The following TEC variants were observed in gnomAD, a reference collection of about 807,000 sequenced individuals.
TEC encodes the protein tyrosine-protein kinase Tec.
In TEC, 72 loss-of-function variants were observed where a neutral mutation model predicts 93.0. The observed-to-expected ratio is 0.77, with a 90% CI of 0.64 to 0.94. The LOEUF is 0.94. TEC is among the 40% of genes least tolerant of loss of function. The pLI is 0.00. For synonymous variants in TEC, 249 were observed against 247.7 expected (o/e 1.01, Z -0.05); for missense variants, 630 against 757.9 (o/e 0.83, Z 1.98).
At chr4:48,189,950 T>A (rs1370848092) in intron 2 of TEC, among the ~76,000 whole-genome samples, 4 of 152,034 alleles carry the variant, frequency 2.6e-5, no homozygotes, top group African/African-American at 9.7e-5. Flanking sequence ...ACTTTGCAGA[T>A]CTGTGAGGGA....
At chr4:48,186,146 C>T (rs1328136203) in intron 2 of TEC, among the ~76,000 whole-genome samples, 1 of 152,232 alleles carries the variant, frequency 6.6e-6, no homozygotes, top group Non-Finnish European at 1.5e-5. Flanking sequence ...GACGGAGTCT[C>T]GCTCACTAGG....
At chr4:48,199,241 G>A (rs953472806) in intron 2 of TEC, among the ~76,000 whole-genome samples, 5 of 152,094 alleles carry the variant, frequency 3.3e-5, no homozygotes, top group African/African-American at 1.2e-4. Context: ...CAGATCCAAT[G>A]ATTCCAAATT....
chr4:48,251,451 C>A (rs1300162487), intron 1 of TEC, among the ~76,000 whole-genome samples: 2 of 152,170 alleles, frequency 1.3e-5, no homozygotes, highest in Non-Finnish European at 2.9e-5. Context: ...GTTATTCTCA[C>A]TATGTTATCC....
At chr4:48,228,360 T>C (rs898673802) in intron 2 of TEC, 117 bp downstream of exon 2, 2 of 1,137,400 alleles carry the variant, frequency 1.8e-6, no homozygotes, top group South Asian at 2.1e-5. Flanking sequence ...GTCCAAATGA[T>C]AATAAATCAT....
intron 2 of TEC, among the ~76,000 whole-genome samples, chr4:48,184,768 A>ACACACACACAC (rs1190852276): frequency 2.1e-5 from 2 of 96,906 alleles, no homozygotes; most frequent in African/African-American, 7.2e-5. Flanking sequence ...AGACAAAAAA[A>ACACACACACAC]ATACACACAC....
chr4:48,246,467 GA>G (rs34988086), intron 1 of TEC, among the ~76,000 whole-genome samples: 18,318 of 133,214 alleles, frequency 0.14, 1,342 homozygotes, highest in East Asian at 0.26. Context: ...AAACTATCTT[GA>G]AAAAAAAAAA....
At chr4:48,213,871 C>T (rs956687259) in intron 2 of TEC, among the ~76,000 whole-genome samples, 1 of 151,938 alleles carries the variant, frequency 6.6e-6, no homozygotes, top group South Asian at 2.1e-4. Context: ...AGACTCTGTC[C>T]CTGAAAAAAA....
At chr4:48,221,008 C>T (rs1045308364) in intron 2 of TEC, among the ~76,000 whole-genome samples, 2 of 152,194 alleles carry the variant, frequency 1.3e-5, no homozygotes, top group East Asian at 1.9e-4. Context: ...TTCCCACAAC[C>T]CCCTCCTTGG....
chr4:48,199,521 C>T (rs1232027514), intron 2 of TEC, among the ~76,000 whole-genome samples: 1 of 121,150 alleles, frequency 8.3e-6, no homozygotes, highest in South Asian at 2.8e-4. Context: ...GGCTGGAGTG[C>T]AGAGGCACGA....
chr4:48,261,236 G>A (rs1164736998), intron 1 of TEC, among the ~76,000 whole-genome samples: 1 of 152,152 alleles, frequency 6.6e-6, no homozygotes, highest in African/African-American at 2.4e-5. Flanking sequence ...TCAAAAGCAT[G>A]TATACCTAAA....
At chr4:48,181,383 G>C (rs1192482439) in intron 2 of TEC, among the ~76,000 whole-genome samples, 1 of 152,058 alleles carries the variant, frequency 6.6e-6, no homozygotes, top group African/African-American at 2.4e-5. Context: ...CGGAAAAAAA[G>C]GATTGGAAGG....
At chr4:48,174,980 A>C (rs1194865501) in intron 3 of TEC, among the ~76,000 whole-genome samples, 1 of 152,232 alleles carries the variant, frequency 6.6e-6, no homozygotes, top group Non-Finnish European at 1.5e-5. Flanking sequence ...AAACAGGCAC[A>C]GAGAGGTTAA....
chr4:48,269,430 C>T (rs1724725968), intron 1 of TEC, among the ~76,000 whole-genome samples: 1 of 151,932 alleles, frequency 6.6e-6, no homozygotes, highest in Non-Finnish European at 1.5e-5. Context: ...CGCAGGGCGG[C>T]CTCAGGCCTG....
chr4:48,152,262 C>A (rs1191822926), intron 9 of TEC, among the ~76,000 whole-genome samples: 2 of 151,930 alleles, frequency 1.3e-5, no homozygotes, highest in African/African-American at 4.8e-5. Flanking sequence ...CCCACCTCTA[C>A]TAAAAATACC....
At chr4:48,137,575 A>T in intron 17 of TEC, 76 bp from the exon 18 acceptor site, 1 of 1,183,468 alleles carries the variant, frequency 8.4e-7, no homozygotes, top group Non-Finnish European at 1.3e-6. Context: ...CCAACTCCTA[A>T]ACACAGCATA....
intron 2 of TEC, among the ~76,000 whole-genome samples, chr4:48,178,976 C>A (rs55679349): frequency 6.6e-6 from 1 of 152,152 alleles, no homozygotes; most frequent in African/African-American, 2.4e-5. Context: ...ACCAAACGGT[C>A]TTCTCTGAAT....
chr4:48,203,867 C>A (rs1387535738), intron 2 of TEC, among the ~76,000 whole-genome samples: 2 of 152,178 alleles, frequency 1.3e-5, no homozygotes, highest in Non-Finnish European at 2.9e-5. Flanking sequence ...CAGAGGCACT[C>A]GCTTTACAGG....
At chr4:48,189,271 T>C (rs907315947) in intron 2 of TEC, among the ~76,000 whole-genome samples, 2 of 152,210 alleles carry the variant, frequency 1.3e-5, no homozygotes, top group African/African-American at 4.8e-5. Context: ...CCTGTATTCC[T>C]TGACCACCAG....
chr4:48,201,309 T>C (rs56196488), intron 2 of TEC, among the ~76,000 whole-genome samples: 14,371 of 152,142 alleles, frequency 0.094, 743 homozygotes, highest in South Asian at 0.18. Context: ...GAATTTGAGA[T>C]ACCTGTGAGA....
Sources: allele counts gnomAD v4.1 joint callset (sites outside exome capture counted in the v4.1 genomes callset), GRCh38; gene constraint gnomAD v4.1.1; transcripts MANE v1.5; gene names NCBI Gene and HGNC (gene_info 2026-07-23, HGNC 2026-07-21).